COL13A1: variants seen among roughly 807,000 people sequenced by gnomAD.
COL13A1 encodes collagen alpha-1(XIII) chain.
COL13A1 carries 89 observed loss-of-function variants against 130.9 expected under a neutral mutation model. The ratio of observed to expected loss-of-function variants is 0.68; its 90% confidence interval spans 0.57 to 0.81. The LOEUF is 0.81. Among genes scored for constraint, COL13A1 ranks in the 30% least tolerant of loss-of-function variants. The pLI, the probability that COL13A1 is intolerant of heterozygous loss-of-function variation, is 0.00. For synonymous variants in COL13A1, 402 were observed against 341.6 expected (o/e 1.18, Z -1.95); for missense variants, 879 against 934.6 (o/e 0.94, Z 0.78).
Position 69,895,538 on chromosome 10 carries a change from T to C in COL13A1, c.658-12T>C. ...TGCCTAACACCACCTTTCCCTTCCC[T>C]CTCCTTCCCAGGGTCAGTGTGGAGA... On this transcript the variant is annotated splice_polypyrimidine_tract_variant and intron_variant, in intron 12 of 40. Transcript: ENST00000645393. 6.2e-7 allele frequency: 1 copy of C among 1,613,830 alleles called. No homozygotes were observed. Among genetic ancestry groups the C allele is most frequent in the South Asian group, 1.1e-5 (1 of 91,072 alleles).
At chr10:69,938,218 G>A (rs756248776) in intron 34 of COL13A1, among the ~76,000 whole-genome samples, 11 of 152,188 alleles carry the variant, frequency 7.2e-5, no homozygotes, top group South Asian at 2.1e-4. Flanking sequence ...TCCTGGGTTC[G>A]TGGAGATCTC....
At chr10:69,938,963 C>T (rs540997067) in intron 34 of COL13A1, among the ~76,000 whole-genome samples, 5 of 152,214 alleles carry the variant, frequency 3.3e-5, no homozygotes, top group Non-Finnish European at 5.9e-5. Context: ...GATGAACACT[C>T]GAGAATTCAG....
intron 2 of COL13A1, among the ~76,000 whole-genome samples, chr10:69,823,828 G>A (rs985897089): frequency 1.6e-4 from 24 of 152,162 alleles, no homozygotes; most frequent in African/African-American, 3.1e-4. Context: ...GATAGGGCCC[G>A]GGGGTCTGGG....
chr10:69,804,834 A>AAAAAAAAAAAAAAAAAAAC (rs1841080485), intron 1 of COL13A1, among the ~76,000 whole-genome samples: 1 of 125,758 alleles, frequency 8.0e-6, no homozygotes, highest in African/African-American at 2.9e-5. Flanking sequence ...AAAAAAAAAA[A>AAAAAAAAAAAAAAAAAAAC]AAAAAAAAGC....
At position 69,932,609 on chromosome 10, in the gene COL13A1, A is replaced by G. The variant is rs759658607; in HGVS notation, c.1728+5A>G. On this transcript the variant is annotated splice_donor_5th_base_variant and intron_variant, in intron 31 of 40. Transcript: ENST00000645393. ...AAGGGCAATCCAGGAGCAGAGGTAC[A>G]TGAGAGATAATTTGACAGAGACTCA... 2.2e-5 allele frequency: 35 copies of G among 1,593,458 alleles called. No individual in the cohort carries two copies. Among genetic ancestry groups the G allele is most frequent in the Non-Finnish European group, 2.8e-5 (32 of 1,161,704 alleles).
At chr10:69,859,290 C>G (rs1000428085) in intron 2 of COL13A1, among the ~76,000 whole-genome samples, 33 of 152,104 alleles carry the variant, frequency 2.2e-4, no homozygotes, top group African/African-American at 7.5e-4. Context: ...ACTTTTGTAC[C>G]AACATAATAA....
intron 13 of COL13A1, 136 bp from the exon 14 acceptor site, chr10:69,898,561 G>C: frequency 1.5e-6 from 1 of 648,596 alleles, no homozygotes; most frequent in Admixed American, 2.8e-5. Flanking sequence ...TCATGTGCAC[G>C]CTAATCTCTC....
intron 38 of COL13A1, among the ~76,000 whole-genome samples, chr10:69,950,304 G>A (rs12258326): frequency 1.1e-4 from 16 of 152,124 alleles, no homozygotes; most frequent in African/African-American, 3.9e-4. Context: ...GTCACTGTCT[G>A]GGGGTGGGAG....
chr10:69,865,795 G>C (rs2058458214), intron 2 of COL13A1, among the ~76,000 whole-genome samples: 1 of 152,158 alleles, frequency 6.6e-6, no homozygotes, highest in Non-Finnish European at 1.5e-5. Flanking sequence ...GGCAGGTCTG[G>C]AGAGGACTTG....
At chr10:69,906,747 T>G (rs1383576370) in intron 17 of COL13A1, among the ~76,000 whole-genome samples, 2 of 152,122 alleles carry the variant, frequency 1.3e-5, no homozygotes, top group Admixed American at 1.3e-4. Flanking sequence ...TTTTGTTTTT[T>G]TTGAGACAGA....
Position 69,907,845 on chromosome 10 carries a change from C to T in COL13A1, c.921+2023C>T, listed in dbSNP as rs1312211359. Among the ~76,000 whole-genome samples the T allele has an allele frequency of 3.9e-5, 6 of 152,362 alleles. No individual in the cohort carries two copies. In the South Asian group the frequency reaches 1.2e-3, roughly 32 times the overall value. On this transcript the variant is annotated intron_variant, in intron 17 of 40. Transcript: ENST00000645393. ...TAACCCGTGATAACTATCCCACTCC[C>T]GCGACAGCAACATTAATTTATTCAT...
At chr10:69,817,552 T>A (rs1013919911) in intron 1 of COL13A1, among the ~76,000 whole-genome samples, 1 of 151,924 alleles carries the variant, frequency 6.6e-6, no homozygotes, top group Admixed American at 6.6e-5. Flanking sequence ...GAATTTAAAG[T>A]AAGATCAGTC....
At chr10:69,903,642 C>T (rs1439639775) in intron 15 of COL13A1, among the ~76,000 whole-genome samples, 1 of 152,224 alleles carries the variant, frequency 6.6e-6, no homozygotes, top group Non-Finnish European at 1.5e-5. Context: ...GGGCAAAATG[C>T]TTTTTAAATA....
intron 2 of COL13A1, among the ~76,000 whole-genome samples, chr10:69,831,129 A>G (rs1400021022): frequency 6.6e-6 from 1 of 152,262 alleles, no homozygotes; most frequent in Non-Finnish European, 1.5e-5. Context: ...TTGTTGAATT[A>G]GAGGATGTTG....
At chr10:69,907,648 T>A (rs1185550320) in intron 17 of COL13A1, among the ~76,000 whole-genome samples, 4 of 150,986 alleles carry the variant, frequency 2.6e-5, no homozygotes, top group African/African-American at 9.8e-5. Context: ...ACTAACCCAC[T>A]CTCATGATGA....
At chr10:69,880,880 TC>T (rs1298262573) in intron 7 of COL13A1, among the ~76,000 whole-genome samples, 1 of 152,204 alleles carries the variant, frequency 6.6e-6, no homozygotes, top group Non-Finnish European at 1.5e-5. Flanking sequence ...GATGGGGTGA[TC>T]CGGCTTTCCC....
intron 17 of COL13A1, among the ~76,000 whole-genome samples, chr10:69,911,880 C>A (rs1028571838): frequency 2.0e-5 from 3 of 152,236 alleles, no homozygotes; most frequent in African/African-American, 7.2e-5. Context: ...TTGCCCCAAC[C>A]TTCCACGACA....
intron 31 of COL13A1, among the ~76,000 whole-genome samples, chr10:69,933,148 A>C (rs2066366818): frequency 7.1e-6 from 1 of 141,492 alleles, no homozygotes; most frequent in Non-Finnish European, 1.5e-5. Context: ...AAAAAAAAAA[A>C]AAAAAAAAAA....
chr10:69,937,628 C>A lies in COL13A1; in HGVS notation c.1798-7C>A, dbSNP rs749217486. The A allele has an allele frequency of 4.2e-6, 6 of 1,411,998 alleles. No homozygotes were observed. In the South Asian group the frequency reaches 6.9e-5, roughly 16 times the overall value. 87.5% of individuals were successfully genotyped at this position (1,411,998 alleles called of 1,614,324 possible). On this transcript the variant is annotated splice_polypyrimidine_tract_variant and splice_region_variant and intron_variant, in intron 33 of 40. Coordinates refer to ENST00000645393, the MANE Select transcript of COL13A1 (RefSeq NM_001368882.1). ...GTGTGATCTCGTCCCCTCTCCCTTTCCTCCAGGGGGAAGCAGGACTAGATG... is the reference window on the plus strand; with the variant it reads ...GTGTGATCTCGTCCCCTCTCCCTTTACTCCAGGGGGAAGCAGGACTAGATG...
Sources: gnomAD v4.1 joint callset for allele counts (sites outside exome capture counted in the v4.1 genomes callset) on GRCh38, gnomAD v4.1.1 for gene constraint, MANE v1.5 for transcripts, NCBI Gene and HGNC (gene_info 2026-07-23, HGNC 2026-07-21) for gene names.